PEX5L: variants seen among roughly 807,000 people sequenced by gnomAD.
PEX5L encodes PEX5-related protein.
A neutral mutation model predicts 84.0 loss-of-function variants in PEX5L; 30 were observed. The ratio of observed to expected loss-of-function variants is 0.36; its 90% confidence interval spans 0.27 to 0.48. PEX5L has a LOEUF of 0.48. PEX5L is among the 20% of genes least tolerant of loss of function. PEX5L has a pLI of 0.99. For missense variants in PEX5L, 533 were observed against 754.6 expected, an observed-to-expected ratio of 0.71 and a Z score of 3.44; for synonymous variants, 270 against 283.1, an observed-to-expected ratio of 0.95 and a Z score of 0.46.
intron 3 of PEX5L, among the ~76,000 whole-genome samples, chr3:179,897,348 G>T (rs553205366): frequency 1.1e-4 from 17 of 152,120 alleles, no homozygotes; most frequent in Admixed American, 9.8e-4. Flanking sequence ...TCTCATTTGC[G>T]ATTTTAAAAC....
At chr3:179,889,227 A>G (rs1051699948) in intron 3 of PEX5L, among the ~76,000 whole-genome samples, 1 of 152,212 alleles carries the variant, frequency 6.6e-6, no homozygotes, top group African/African-American at 2.4e-5. Flanking sequence ...CAGTGTCAGC[A>G]GTCTCATAGT....
chr3:179,998,239 G>C (rs1221143275), intron 1 of PEX5L, among the ~76,000 whole-genome samples: 1 of 152,202 alleles, frequency 6.6e-6, no homozygotes, highest in African/African-American at 2.4e-5. Flanking sequence ...ACAATGCTTA[G>C]TGGGCCTATC....
chr3:179,811,391 A>G (rs1405303797), intron 11 of PEX5L, among the ~76,000 whole-genome samples: 1 of 152,186 alleles, frequency 6.6e-6, no homozygotes, highest in Non-Finnish European at 1.5e-5. Context: ...AGTAGGGTGT[A>G]ATATTACACA....
intron 5 of PEX5L, among the ~76,000 whole-genome samples, chr3:179,878,836 T>C (rs915401939): frequency 1.3e-5 from 2 of 152,226 alleles, no homozygotes; most frequent in African/African-American, 4.8e-5. Flanking sequence ...TTATAATCAT[T>C]TAATCATTTT....
intron 14 of PEX5L, among the ~76,000 whole-genome samples, chr3:179,805,603 A>G (rs890384498): frequency 3.3e-5 from 5 of 152,228 alleles, no homozygotes; most frequent in African/African-American, 1.2e-4. Context: ...CAGATGAGGA[A>G]CCCATGGATA....
intron 8 of PEX5L, among the ~76,000 whole-genome samples, chr3:179,853,286 T>C (rs1742640125): frequency 6.6e-6 from 1 of 152,248 alleles, no homozygotes; most frequent in Admixed American, 6.5e-5. Flanking sequence ...AATGTGTTGC[T>C]AAATCCAATG....
intron 8 of PEX5L, among the ~76,000 whole-genome samples, chr3:179,838,539 T>C (rs1051696530): frequency 2.3e-4 from 35 of 152,236 alleles, no homozygotes; most frequent in African/African-American, 8.0e-4. Context: ...ATTGTAAACC[T>C]ATGTCTTTTA....
intron 8 of PEX5L, 128 bp downstream of exon 8, chr3:179,858,934 A>G (rs950202655): frequency 1.6e-6 from 1 of 643,020 alleles, no homozygotes; most frequent in East Asian, 2.7e-5. Context: ...CATTTTGACA[A>G]TCATAATCAT....
chr3:179,925,026 A>G (rs191844879), intron 2 of PEX5L, among the ~76,000 whole-genome samples: 24 of 152,262 alleles, frequency 1.6e-4, no homozygotes, highest in Non-Finnish European at 3.1e-4. Flanking sequence ...GCAGAATCTG[A>G]GAGGTAAGAA....
At chr3:179,831,935 C>A (rs527241530) in intron 8 of PEX5L, among the ~76,000 whole-genome samples, 2 of 152,062 alleles carry the variant, frequency 1.3e-5, no homozygotes, top group Non-Finnish European at 2.9e-5. Context: ...TACAGTTAGA[C>A]GAATAAGCTT....
chr3:179,928,052 C>T (rs1384456220), intron 2 of PEX5L, among the ~76,000 whole-genome samples: 1 of 152,204 alleles, frequency 6.6e-6, no homozygotes, highest in African/African-American at 2.4e-5. Context: ...ATGCACAGGT[C>T]TTGTTTCCCC....
chr3:180,008,808 T>C (rs528093329), intron 1 of PEX5L, among the ~76,000 whole-genome samples: 4 of 152,274 alleles, frequency 2.6e-5, no homozygotes, highest in Non-Finnish European at 5.9e-5. Flanking sequence ...ACCTCCCCAC[T>C]GGGCCCCTCC....
At chr3:179,808,173 A>T in intron 13 of PEX5L, 99 bp downstream of exon 13, 1 of 968,206 alleles carries the variant, frequency 1.0e-6, no homozygotes, top group East Asian at 2.6e-5. Flanking sequence ...CATTGGAGTC[A>T]GGGAAATAAA....
rs184465885 is a variant in PEX5L, at chr3:179,815,049, A to G, written c.1083+812T>C. 1.5e-4 allele frequency among the ~76,000 whole-genome samples: 23 copies of G among 152,290 alleles called. 1 individual carries two copies. Among genetic ancestry groups the G allele is most frequent in the Non-Finnish European group, 2.9e-4 (20 of 68,012 alleles). On this transcript the variant is annotated intron_variant, in intron 10 of 14. Transcript: ENST00000467460. ...CTCAGCATCCTGTGCACACTCTGACATTGCATTTATTACACTACATTGATG... is the reference window on the plus strand; with the variant it reads ...CTCAGCATCCTGTGCACACTCTGACGTTGCATTTATTACACTACATTGATG...
intron 2 of PEX5L, among the ~76,000 whole-genome samples, chr3:179,966,620 ATTTTAAT>A (rs770990615): frequency 5.3e-5 from 8 of 152,260 alleles, no homozygotes; most frequent in Non-Finnish European, 8.8e-5. Flanking sequence ...TTGTTCTTCC[ATTTTAAT>A]TTCATGTTGG....
chr3:179,928,430 T>C (rs1772094716), intron 2 of PEX5L, among the ~76,000 whole-genome samples: 1 of 152,174 alleles, frequency 6.6e-6, no homozygotes, highest in Admixed American at 6.5e-5. Flanking sequence ...GGGTGGGGAC[T>C]GAGAGAGTGC....
intron 1 of PEX5L, among the ~76,000 whole-genome samples, chr3:179,994,199 C>T (rs1338921046): frequency 6.6e-6 from 1 of 152,198 alleles, no homozygotes; most frequent in East Asian, 1.9e-4. Context: ...CGAGCCATTC[C>T]AGACCAGAAG....
chr3:179,905,044 A>T (rs930193733), intron 2 of PEX5L, among the ~76,000 whole-genome samples: 2 of 152,136 alleles, frequency 1.3e-5, no homozygotes, highest in Non-Finnish European at 2.9e-5. Flanking sequence ...AATTTTTTTT[A>T]AATTGACAAA....
chr3:179,823,207 ATTC>A (rs1190253368), intron 8 of PEX5L, among the ~76,000 whole-genome samples: 4 of 152,206 alleles, frequency 2.6e-5, no homozygotes, highest in Non-Finnish European at 5.9e-5. Flanking sequence ...GTAAAAACAT[ATTC>A]TTCTTCTAGA....
Sources: gnomAD v4.1 joint callset for allele counts (sites outside exome capture counted in the v4.1 genomes callset) on GRCh38, gnomAD v4.1.1 for gene constraint, MANE v1.5 for transcripts, NCBI Gene and HGNC (gene_info 2026-07-23, HGNC 2026-07-21) for gene names.